The following FRMD4A variants were observed in gnomAD, a reference collection of about 807,000 sequenced individuals.
The protein encoded by FRMD4A is FERM domain containing 4A.
A neutral mutation model predicts 129.1 loss-of-function variants in FRMD4A; 29 were observed. The observed-to-expected ratio is 0.22, with a 90% CI of 0.17 to 0.31. The LOEUF is 0.31. FRMD4A is among the 10% of genes least tolerant of loss of function. FRMD4A has a pLI of 1.00. For synonymous variants in FRMD4A, 634 were observed against 571.6 expected (o/e 1.11, Z -1.56); for missense variants, 1,272 against 1,375.8 (o/e 0.92, Z 1.19).
chr10:14,174,866 A>AGT (rs1404095209), intron 2 of FRMD4A, among the ~76,000 whole-genome samples: 4 of 139,626 alleles, frequency 2.9e-5, no homozygotes, highest in Admixed American at 7.1e-5. Flanking sequence ...TAAAAAAAAA[A>AGT]GTGTGTGTGT....
intron 2 of FRMD4A, among the ~76,000 whole-genome samples, chr10:13,913,040 C>A (rs1023823723): frequency 6.7e-6 from 1 of 148,678 alleles, no homozygotes; most frequent in Non-Finnish European, 1.5e-5. Flanking sequence ...ACCATTGCAC[C>A]GTAGCCTGGG....
intron 2 of FRMD4A, among the ~76,000 whole-genome samples, chr10:14,088,292 C>A (rs1285490940): frequency 6.6e-6 from 1 of 151,710 alleles, no homozygotes; most frequent in Non-Finnish European, 1.5e-5. Context: ...ATTTAAAAAA[C>A]GACATTTAGC....
intron 2 of FRMD4A, among the ~76,000 whole-genome samples, chr10:14,154,721 C>G (rs967015546): frequency 6.6e-6 from 1 of 152,126 alleles, no homozygotes; most frequent in Non-Finnish European, 1.5e-5. Context: ...TCTGTGGGTT[C>G]TTTTGAGATT....
chr10:13,712,814 T>C (rs745737272), intron 12 of FRMD4A, among the ~76,000 whole-genome samples: 10 of 152,236 alleles, frequency 6.6e-5, no homozygotes, highest in Non-Finnish European at 1.5e-4. Context: ...AAATACTGCC[T>C]TTGAGACCTG....
At chr10:13,673,081 C>G (rs1184951339) in intron 16 of FRMD4A, among the ~76,000 whole-genome samples, 1 of 152,050 alleles carries the variant, frequency 6.6e-6, no homozygotes, top group Non-Finnish European at 1.5e-5. Context: ...AACGTGGATT[C>G]CCTGCCGGGT....
At chr10:14,004,698 C>T (rs926423869) in intron 2 of FRMD4A, among the ~76,000 whole-genome samples, 1 of 152,160 alleles carries the variant, frequency 6.6e-6, no homozygotes, top group African/African-American at 2.4e-5. Context: ...TGATCCTTTA[C>T]AAGCACTGCA....
At position 14,023,069 on chromosome 10, in the gene FRMD4A, A is replaced by G. The variant is rs193275841; in HGVS notation, c.46-164157T>C. ...GGCAGCCAGGCAGAGGAAGTGGTCC[A>G]AGAAACCTCCCTGTCTGCAGTTCAG... On this transcript the variant is annotated intron_variant, in intron 2 of 24. Coordinates refer to ENST00000357447, the MANE Select transcript of FRMD4A (RefSeq NM_018027.5). 3.3e-5 allele frequency among the ~76,000 whole-genome samples: 5 copies of G among 152,226 alleles called. No individual in the cohort carries two copies. The East Asian group carries it at 9.7e-4, about 29-fold the overall frequency.
At chr10:14,276,561 C>T (rs1013713309) in intron 2 of FRMD4A, among the ~76,000 whole-genome samples, 1 of 152,210 alleles carries the variant, frequency 6.6e-6, no homozygotes, top group Non-Finnish European at 1.5e-5. Context: ...GTACAATTTG[C>T]CACTTTGGCC....
chr10:13,982,221 T>C (rs1159973712), intron 2 of FRMD4A, among the ~76,000 whole-genome samples: 1 of 151,978 alleles, frequency 6.6e-6, no homozygotes, highest in Non-Finnish European at 1.5e-5. Flanking sequence ...TAGTGGCTCA[T>C]GCCTGTAATC....
intron 15 of FRMD4A, chr10:13,685,301 G>C: frequency 1.0e-6 from 1 of 985,302 alleles, no homozygotes; most frequent in Non-Finnish European, 1.2e-6. Flanking sequence ...TTTGCTTTCT[G>C]GCTAGATTCC....
At chr10:14,272,701 T>C (rs1845203999) in intron 2 of FRMD4A, among the ~76,000 whole-genome samples, 1 of 152,164 alleles carries the variant, frequency 6.6e-6, no homozygotes, top group Non-Finnish European at 1.5e-5. Flanking sequence ...TCATGGCAAT[T>C]TCAGTGAGTG....
At chr10:14,252,681 A>T (rs144481086) in intron 2 of FRMD4A, among the ~76,000 whole-genome samples, 88 of 152,376 alleles carry the variant, frequency 5.8e-4, no homozygotes, top group Non-Finnish European at 9.8e-4. Flanking sequence ...ATCATTGGTT[A>T]AGGTGGTATA....
At position 14,048,905 on chromosome 10, in the gene FRMD4A, A is replaced by T. The variant is rs184352402; in HGVS notation, c.46-189993T>A. ...TAGAATAGAATAGAATAGAATAGAA[A>T]ATAAAATGAAATATGGTGGGAGTAG... On this transcript the variant is annotated intron_variant, in intron 2 of 24. Transcript: ENST00000357447. Among the ~76,000 whole-genome samples the T allele has an allele frequency of 4.3e-4, 62 of 144,282 alleles. 1 individual carries two copies. The East Asian group carries it at 5.8e-3, about 14-fold the overall frequency. The allele number at this position is 144,282 out of a possible 152,430, so 94.7% of individuals were successfully genotyped here.
chr10:13,676,914 A>G (rs1229474514), intron 15 of FRMD4A, among the ~76,000 whole-genome samples: 1 of 152,122 alleles, frequency 6.6e-6, no homozygotes, highest in Non-Finnish European at 1.5e-5. Flanking sequence ...GAAACAATGG[A>G]TTTTTTGGAC....
At chr10:14,194,221 T>C (rs982515606) in intron 2 of FRMD4A, among the ~76,000 whole-genome samples, 3 of 152,216 alleles carry the variant, frequency 2.0e-5, no homozygotes, top group Admixed American at 2.0e-4. Context: ...CACTTATTCC[T>C]TCCTTGACTC....
chr10:13,790,486 C>A (rs1034311536), intron 5 of FRMD4A, among the ~76,000 whole-genome samples: 2 of 152,096 alleles, frequency 1.3e-5, no homozygotes, highest in South Asian at 4.2e-4. Flanking sequence ...CTCGTGGACA[C>A]CAGGGCTCAA....
At chr10:13,789,955 C>A (rs976399146) in intron 5 of FRMD4A, among the ~76,000 whole-genome samples, 3 of 151,902 alleles carry the variant, frequency 2.0e-5, no homozygotes, top group African/African-American at 7.3e-5. Context: ...TAGAAAGATG[C>A]TCAGTGTCTT....
At chr10:14,130,236 T>A (rs1002234665) in intron 2 of FRMD4A, among the ~76,000 whole-genome samples, 1 of 152,136 alleles carries the variant, frequency 6.6e-6, no homozygotes, top group African/African-American at 2.4e-5. Flanking sequence ...ATATTCTTTT[T>A]AAATTTTTTA....
At chr10:14,202,843 G>T (rs1842679629) in intron 2 of FRMD4A, among the ~76,000 whole-genome samples, 2 of 152,104 alleles carry the variant, frequency 1.3e-5, no homozygotes, top group South Asian at 4.1e-4. Context: ...TGCAATCATG[G>T]CTCAATGTAA....
Sources: allele counts gnomAD v4.1 joint callset (sites outside exome capture counted in the v4.1 genomes callset), GRCh38; gene constraint gnomAD v4.1.1; transcripts MANE v1.5; gene names NCBI Gene and HGNC (gene_info 2026-07-23, HGNC 2026-07-21).